Variants in METTL15 observed in about 807,000 individuals in gnomAD.
The protein encoded by METTL15 is 12S rRNA N(4)-cytidine methyltransferase METTL15.
A neutral mutation model predicts 38.3 loss-of-function variants in METTL15; 34 were observed. The ratio of observed to expected loss-of-function variants is 0.89; its 90% confidence interval spans 0.68 to 1.18. The LOEUF (loss-of-function observed/expected upper bound fraction) is 1.18. Among genes scored for constraint, METTL15 ranks in the 50% most tolerant of loss-of-function variants. The pLI is 0.00. For synonymous variants in METTL15, 162 were observed against 170.9 expected, an observed-to-expected ratio of 0.95 and a Z score of 0.41; for missense variants, 438 against 498.4, an observed-to-expected ratio of 0.88 and a Z score of 1.15.
At position 28,376,984 on chromosome 11, in the gene METTL15, G is replaced by C. The variant is rs992498194; in HGVS notation, c.*358+14948G>C. Among the ~76,000 whole-genome samples, 46 of 125,586 alleles carry C rather than the reference G, an allele frequency of 3.7e-4. 1 individual carries two copies. The highest frequency in any genetic ancestry group is 2.1e-4 in the East Asian group (1 of 4,778). The allele number at this position is 125,586 out of a possible 152,430, so 82.4% of individuals were successfully genotyped here. ...CTTTTCTTTAAGAATGTTGAATATTGGCCCCCACTCTCTTCTGGCTTGTAG... is the reference window on the plus strand; with the variant it reads ...CTTTTCTTTAAGAATGTTGAATATTCGCCCCCACTCTCTTCTGGCTTGTAG... On this transcript the variant is annotated intron_variant and NMD_transcript_variant, in intron 5 of 7. Transcript: ENST00000532947.
At chr11:28,309,556 C>T (rs909206632) in intron 6 of METTL15, among the ~76,000 whole-genome samples, 7 of 152,130 alleles carry the variant, frequency 4.6e-5, no homozygotes, top group Non-Finnish European at 1.0e-4. Context: ...TACCCCGCAA[C>T]CCATGGTCCA....
At chr11:28,381,427 A>AT (rs1470780691) in intron 5 of METTL15, among the ~76,000 whole-genome samples, 2 of 152,000 alleles carry the variant, frequency 1.3e-5, no homozygotes, top group Admixed American at 6.6e-5. Flanking sequence ...CTTTCTAATT[A>AT]TTTTTTTGAA....
At chr11:28,132,405 T>G (rs946134817) in intron 3 of METTL15, among the ~76,000 whole-genome samples, 3 of 152,126 alleles carry the variant, frequency 2.0e-5, no homozygotes, top group Non-Finnish European at 4.4e-5. Flanking sequence ...TGAGAAAAAT[T>G]GAATATTTCA....
intron 6 of METTL15, among the ~76,000 whole-genome samples, chr11:28,318,539 A>G (rs1849349868): frequency 6.6e-6 from 1 of 152,194 alleles, no homozygotes. Context: ...AATACTGTGT[A>G]AGAAATGTAT....
At chr11:28,426,173 CCACTTAT>C (rs1850862209) in intron 6 of METTL15, among the ~76,000 whole-genome samples, 1 of 152,112 alleles carries the variant, frequency 6.6e-6, no homozygotes, top group African/African-American at 2.4e-5. Flanking sequence ...AGTTCACCTC[CCACTTAT>C]AAGTGAGAAC....
At chr11:28,209,071 A>G (rs889272488) in intron 3 of METTL15, among the ~76,000 whole-genome samples, 1 of 151,984 alleles carries the variant, frequency 6.6e-6, no homozygotes, top group African/African-American at 2.4e-5. Context: ...TTGTCAGTAC[A>G]TCTACAAGGG....
At chr11:28,368,177 AG>A (rs1349548364) in intron 5 of METTL15, among the ~76,000 whole-genome samples, 11 of 150,332 alleles carry the variant, frequency 7.3e-5, no homozygotes, top group Non-Finnish European at 1.6e-4. Context: ...AGAAAAAAAC[AG>A]AAAAAAAAAC....
chr11:28,194,799 G>A (rs1429691309), intron 3 of METTL15, among the ~76,000 whole-genome samples: 1 of 151,732 alleles, frequency 6.6e-6, no homozygotes, highest in East Asian at 1.9e-4. Flanking sequence ...ATCACTTGGT[G>A]ATAGGTGTAC....
intron 3 of METTL15, among the ~76,000 whole-genome samples, chr11:28,344,536 T>A: frequency 6.6e-6 from 1 of 152,202 alleles, no homozygotes; most frequent in East Asian, 1.9e-4. Context: ...TCAATTCAAG[T>A]CACATTTCCC....
At chr11:28,417,336 C>T (rs1373750603) in intron 5 of METTL15, among the ~76,000 whole-genome samples, 1 of 152,148 alleles carries the variant, frequency 6.6e-6, no homozygotes, top group East Asian at 1.9e-4. Flanking sequence ...TAAAATATCA[C>T]TTATGGTAGT....
chr11:28,303,497 A>G (rs1026789317), intron 6 of METTL15, among the ~76,000 whole-genome samples: 5 of 152,154 alleles, frequency 3.3e-5, no homozygotes, highest in African/African-American at 1.2e-4. Flanking sequence ...ATTGATCTCT[A>G]AACAATCAAA....
intron 6 of METTL15, among the ~76,000 whole-genome samples, chr11:28,480,214 T>G (rs151101263): frequency 6.6e-6 from 1 of 152,144 alleles, no homozygotes; most frequent in Non-Finnish European, 1.5e-5. Flanking sequence ...GTATATATAC[T>G]CAACAAAGCA....
intron 3 of METTL15, among the ~76,000 whole-genome samples, chr11:28,166,058 G>C (rs1850647873): frequency 6.6e-6 from 1 of 152,070 alleles, no homozygotes. Context: ...AATATATTTT[G>C]AAATCTGGGA....
chr11:28,376,450 G>A (rs1389191528), intron 5 of METTL15, among the ~76,000 whole-genome samples: 5 of 151,926 alleles, frequency 3.3e-5, no homozygotes, highest in Admixed American at 2.0e-4. Flanking sequence ...GATCTTTGTT[G>A]GTTTAAAATC....
At chr11:28,185,250 A>G (rs1357355949) in intron 3 of METTL15, among the ~76,000 whole-genome samples, 2 of 151,448 alleles carry the variant, frequency 1.3e-5, no homozygotes, top group Non-Finnish European at 3.0e-5. Flanking sequence ...CCCATTTTAA[A>G]TAACGAAACA....
intron 3 of METTL15, among the ~76,000 whole-genome samples, chr11:28,127,955 T>C (rs1413650151): frequency 6.6e-6 from 1 of 152,160 alleles, no homozygotes; most frequent in African/African-American, 2.4e-5. Context: ...TGGACTAATA[T>C]TCAACCTATT....
In METTL15 at chr11:28,377,541, A is replaced by T. The variant is rs1392470906; in HGVS notation, c.*358+15505A>T. Among the ~76,000 whole-genome samples, 7 of 151,518 alleles carry T rather than the reference A, an allele frequency of 4.6e-5. 1 individual carries two copies. In the South Asian group the frequency reaches 1.5e-3, roughly 32 times the overall value. On this transcript the variant is annotated intron_variant and NMD_transcript_variant, in intron 5 of 7. Transcript: ENST00000532947. ...CTTTAAGCACTTCTCTGTATTGGTT[A>T]TTCTAGTTATACATTCTTCTAAATT... is the stretch of plus-strand genomic sequence containing the variant.
intron 5 of METTL15, among the ~76,000 whole-genome samples, chr11:28,393,856 C>T (rs923562456): frequency 6.6e-6 from 1 of 152,012 alleles, no homozygotes; most frequent in Non-Finnish European, 1.5e-5. Flanking sequence ...TGGCTACAAC[C>T]ACATTATTCT....
chr11:28,280,320 A>G (rs1856006805), intron 4 of METTL15, among the ~76,000 whole-genome samples: 1 of 152,108 alleles, frequency 6.6e-6, no homozygotes, highest in Non-Finnish European at 1.5e-5. Context: ...TTTTGATGGA[A>G]ATTTGATTGT....
Sources: gnomAD v4.1 joint callset for allele counts (sites outside exome capture counted in the v4.1 genomes callset) on GRCh38, gnomAD v4.1.1 for gene constraint, MANE v1.5 for transcripts, NCBI Gene and HGNC (gene_info 2026-07-23, HGNC 2026-07-21) for gene names.